Variants in SEM1 observed in about 807,000 individuals in gnomAD.
SEM1 encodes the protein SEM1 26S proteasome subunit, also known as 26S proteasome complex subunit SEM1.
SEM1 carries 3 observed loss-of-function variants against 12.7 expected under a neutral mutation model. That is an observed-to-expected ratio of 0.24 (90% CI 0.11 to 0.61). SEM1 has a LOEUF of 0.61. Ranked by LOEUF, SEM1 falls within the 20% of genes least tolerant of loss-of-function variation. The pLI is 0.88. For missense variants in SEM1, 59 were observed against 81.3 expected (o/e 0.73, Z 1.06); for synonymous variants, 30 against 27.8 (o/e 1.08, Z -0.25).
chr7:96,645,801 A>C, intron 2 of SEM1: 1 of 398,406 alleles, frequency 2.5e-6, no homozygotes. Context: ...AGGAGTGACT[A>C]ATAGGAGAAC....
chr7:96,698,351 C>T (rs1253532423), intron 1 of SEM1, among the ~76,000 whole-genome samples: 1 of 152,048 alleles, frequency 6.6e-6, no homozygotes, highest in Non-Finnish European at 1.5e-5. Flanking sequence ...CACCCATCAA[C>T]CCATCACCTA....
intron 2 of SEM1, chr7:96,653,843 A>G (rs569749324): frequency 6.6e-6 from 1 of 152,202 alleles, no homozygotes; most frequent in Non-Finnish European, 1.5e-5. Flanking sequence ...TTTCTTCTGA[A>G]AGAGGATAAA....
chr7:96,698,598 T>C (rs1253885647), intron 1 of SEM1, among the ~76,000 whole-genome samples: 1 of 152,186 alleles, frequency 6.6e-6, no homozygotes, highest in Non-Finnish European at 1.5e-5. Context: ...CAAGAACCCA[T>C]CCTTTTTTAT....
intron 1 of SEM1, among the ~76,000 whole-genome samples, chr7:96,707,160 A>G (rs1790493096): frequency 6.6e-6 from 1 of 152,212 alleles, no homozygotes; most frequent in Admixed American, 6.5e-5. Flanking sequence ...GAGATGCTGC[A>G]ATTTTAACAG....
intron 2 of SEM1, among the ~76,000 whole-genome samples, chr7:96,571,133 A>T (rs112126075): frequency 0.12 from 18,567 of 151,724 alleles, 1,174 homozygotes; most frequent in Middle Eastern, 0.18. Context: ...GATTGCAAAA[A>T]TTTTCTCCCA....
intron 2 of SEM1, among the ~76,000 whole-genome samples, chr7:96,552,942 CCAGTGATGATGAG>C (rs1232155163): frequency 3.3e-5 from 5 of 150,562 alleles, no homozygotes; most frequent in Admixed American, 3.3e-4. Context: ...TCTCTGATGG[CCAGTGATGATGAG>C]CATTTTTTCA....
At chr7:96,565,025 G>C (rs1563062904) in intron 2 of SEM1, among the ~76,000 whole-genome samples, 1 of 152,016 alleles carries the variant, frequency 6.6e-6, no homozygotes, top group East Asian at 1.9e-4. Context: ...CATTTTCACA[G>C]AGAAAGATAG....
chr7:96,568,300 T>C (rs1048042364), intron 2 of SEM1, among the ~76,000 whole-genome samples: 6 of 151,842 alleles, frequency 4.0e-5, no homozygotes, highest in African/African-American at 1.4e-4. Context: ...TTTAAATATC[T>C]GCACTAAGGT....
chr7:96,709,569 G>C lies in SEM1; in HGVS notation c.76+119C>G, dbSNP rs530061738. ...GTGAGCGTTAGCGCCTCGAGTGCCG[G>C]CCCTGGGAGTCCAAACTTCCCGCCG... On this transcript the variant is annotated intron_variant, in intron 1 of 2. Transcript: ENST00000248566. 7.8e-6 allele frequency: 7 copies of C among 901,718 alleles called. No homozygotes were observed. The Admixed American group carries it at 1.0e-4, about 13-fold the overall frequency. 55.9% of individuals were successfully genotyped at this position (901,718 alleles called of 1,614,324 possible).
intron 2 of SEM1, among the ~76,000 whole-genome samples, chr7:96,628,217 C>A (rs1356421972): frequency 6.6e-6 from 1 of 151,748 alleles, no homozygotes; most frequent in Non-Finnish European, 1.5e-5. Context: ...TCATTGGGTA[C>A]ATTTAGTCAA....
At position 96,688,973 on chromosome 7, in the gene SEM1, T is replaced by C. The variant is rs1789844252; in HGVS notation, c.171-7A>G. 1.3e-6 allele frequency: 2 copies of C among 1,549,316 alleles called. No individual in the cohort carries two copies. Among genetic ancestry groups the C allele is most frequent in the East Asian group, 4.5e-5 (2 of 44,370 alleles). The stretch of plus-strand genomic sequence containing the variant: ...ATGTTTCTCTAGTTCAGCTCTAAGA[T>C]AAAACAGAAAGAACATCACTAGGTA... On this transcript the variant is annotated splice_region_variant and splice_polypyrimidine_tract_variant and intron_variant, in intron 2 of 2. Coordinates refer to ENST00000248566, the MANE Select transcript of SEM1 (RefSeq NM_006304.2).
At chr7:96,579,302 CA>C (rs1363445575) in intron 2 of SEM1, among the ~76,000 whole-genome samples, 1 of 152,314 alleles carries the variant, frequency 6.6e-6, no homozygotes, top group East Asian at 1.9e-4. Flanking sequence ...AATTTTCCTG[CA>C]AAAGCAATTT....
At chr7:96,705,106 G>C (rs973532846) in intron 1 of SEM1, among the ~76,000 whole-genome samples, 2 of 152,088 alleles carry the variant, frequency 1.3e-5, no homozygotes, top group African/African-American at 4.8e-5. Flanking sequence ...GGCAGCATTA[G>C]GGGATCACCA....
chr7:96,492,759 ATGTG>A (rs138520257), intron 1 of SEM1, among the ~76,000 whole-genome samples: 29,073 of 142,636 alleles, frequency 0.2, 3,200 homozygotes, highest in African/African-American at 0.31. Context: ...AATAATATTC[ATGTG>A]TGTGTGTGTG....
chr7:96,524,847 G>A (rs1189199634), intron 2 of SEM1, among the ~76,000 whole-genome samples: 1 of 152,048 alleles, frequency 6.6e-6, no homozygotes, highest in Non-Finnish European at 1.5e-5. Context: ...ACTTACAGTT[G>A]AAAACACAGA....
intron 2 of SEM1, among the ~76,000 whole-genome samples, chr7:96,648,936 T>C (rs10236162): frequency 0.15 from 22,984 of 152,232 alleles, 3,143 homozygotes; most frequent in African/African-American, 0.37. Flanking sequence ...TTTTTTCCCC[T>C]GCCTGGATCA....
chr7:96,599,967 T>C (rs1807148070), intron 2 of SEM1, among the ~76,000 whole-genome samples: 1 of 152,142 alleles, frequency 6.6e-6, no homozygotes, highest in Non-Finnish European at 1.5e-5. Context: ...TACTTGGGAA[T>C]TTCCAGGTCA....
At chr7:96,669,283 T>G (rs1176902935), downstream of SEM1, among the ~76,000 whole-genome samples, 2 of 152,176 alleles carry the variant, frequency 1.3e-5, no homozygotes, top group South Asian at 2.1e-4. Context: ...GCTTTTCCTG[T>G]AAAGGGACAG....
chr7:96,613,132 G>T (rs1807595425), intron 2 of SEM1, among the ~76,000 whole-genome samples: 1 of 152,106 alleles, frequency 6.6e-6, no homozygotes, highest in Admixed American at 6.5e-5. Flanking sequence ...GAGACCTTTT[G>T]GGGTTGTTAA....
Sources: allele counts gnomAD v4.1 joint callset (sites outside exome capture counted in the v4.1 genomes callset), GRCh38; gene constraint gnomAD v4.1.1; transcripts MANE v1.5; gene names NCBI Gene and HGNC (gene_info 2026-07-23, HGNC 2026-07-21).